Variants in SPOCK3 observed in about 807,000 individuals in gnomAD.
SPOCK3 encodes testican-3.
In SPOCK3, 30 loss-of-function variants were observed where a neutral mutation model predicts 56.6. That is an observed-to-expected ratio of 0.53 (90% CI 0.40 to 0.72). The LOEUF is 0.72. SPOCK3 is among the 30% of genes least tolerant of loss of function. SPOCK3 has a pLI of 0.00. For missense variants in SPOCK3, 527 were observed against 530.0 expected (o/e 0.99, Z 0.06); for synonymous variants, 196 against 183.3 (o/e 1.07, Z -0.56).
At position 166,820,747 on chromosome 4, in the gene SPOCK3, C is replaced by T. The variant is rs186408728; in HGVS notation, c.590-28458G>A. 2.6e-5 allele frequency among the ~76,000 whole-genome samples: 4 copies of T among 151,890 alleles called. No individual in the cohort carries two copies. The East Asian group carries it at 7.8e-4, about 30-fold the overall frequency. The stretch of plus-strand genomic sequence containing the variant: ...GCTGAGATGGGAGGATCGCTGGAGC[C>T]TGTGAGGTGGAGGCTGCAAGGAGTA... On this transcript the variant is annotated intron_variant, in intron 6 of 10. Transcript: ENST00000357545.
rs867923285 is a variant in SPOCK3 at position 167,213,106 on chromosome 4, G to A, written c.189+20879C>T. Among the ~76,000 whole-genome samples, 7 of 152,324 alleles carry A rather than the reference G, an allele frequency of 4.6e-5. No homozygotes were observed. In the South Asian group the frequency reaches 6.2e-4, roughly 14 times the overall value. On this transcript the variant is annotated intron_variant, in intron 2 of 10. Coordinates refer to ENST00000357545, the MANE Select transcript of SPOCK3 (RefSeq NM_001040159.2). ...GCCACTGGCAGCATGTGATTGAATC[G>A]TTTAAGTTTAGCATAGATGGCCTGG... is the stretch of plus-strand genomic sequence containing the variant.
rs116451195 is a variant in SPOCK3, at chr4:167,032,395, G to A, written c.235+30097C>T. On this transcript the variant is annotated intron_variant, in intron 3 of 10. Coordinates refer to ENST00000357545, the MANE Select transcript of SPOCK3 (RefSeq NM_001040159.2). ...CACAAAGAAAATAAAATAAACTGAG[G>A]AATGAAGCTTGGCACCGCTCTGCTG... Among the ~76,000 whole-genome samples, 427 of 151,988 alleles carry A rather than the reference G, an allele frequency of 2.8e-3. 2 individuals are homozygous for A. The highest frequency in any genetic ancestry group is 0.01 in the African/African-American group (416 of 41,500).
chr4:166,806,943 AGAT>A (rs1743221090), intron 6 of SPOCK3, among the ~76,000 whole-genome samples: 1 of 151,964 alleles, frequency 6.6e-6, no homozygotes, highest in African/African-American at 2.4e-5. Flanking sequence ...GCACAGTAAG[AGAT>A]TAACAACAAT....
At chr4:167,036,221 G>A (rs1426968794) in intron 3 of SPOCK3, among the ~76,000 whole-genome samples, 12 of 152,066 alleles carry the variant, frequency 7.9e-5, no homozygotes, top group East Asian at 1.9e-4. Context: ...CTTTTGCGAC[G>A]TGCCAAAATG....
At chr4:167,144,774 AT>A (rs1318943760) in intron 2 of SPOCK3, among the ~76,000 whole-genome samples, 6 of 103,856 alleles carry the variant, frequency 5.8e-5, no homozygotes, top group Non-Finnish European at 1.3e-4. Flanking sequence ...ATTAATCTTG[AT>A]GTGGAAGCAA....
At chr4:167,016,434 C>T (rs1022442726) in intron 3 of SPOCK3, among the ~76,000 whole-genome samples, 3 of 151,914 alleles carry the variant, frequency 2.0e-5, no homozygotes, top group Admixed American at 6.6e-5. Context: ...TGTAAATTTC[C>T]GTTGCACAAT....
intron 3 of SPOCK3, chr4:167,011,440 A>G (rs1750056475): frequency 5.1e-6 from 1 of 195,394 alleles, no homozygotes; most frequent in Non-Finnish European, 1.1e-5. Flanking sequence ...TCTACTTTGT[A>G]TTGTTACTTT....
intron 6 of SPOCK3, among the ~76,000 whole-genome samples, chr4:166,832,326 G>A (rs367709700): frequency 2.0e-5 from 3 of 151,510 alleles, no homozygotes; most frequent in Non-Finnish European, 4.4e-5. Flanking sequence ...AAATGCCCAA[G>A]ATCAGAGAAA....
At chr4:167,162,950 G>A (rs1471175902) in intron 2 of SPOCK3, among the ~76,000 whole-genome samples, 1 of 151,388 alleles carries the variant, frequency 6.6e-6, no homozygotes, top group Non-Finnish European at 1.5e-5. Flanking sequence ...TCATTCTCTG[G>A]GTGGTTAGTT....
intron 3 of SPOCK3, among the ~76,000 whole-genome samples, chr4:167,027,172 A>G (rs10030147): frequency 0.025 from 3,732 of 152,046 alleles, 167 homozygotes; most frequent in African/African-American, 0.085. Flanking sequence ...TTCTTCTAAT[A>G]TGACACTGTA....
intron 8 of SPOCK3, among the ~76,000 whole-genome samples, chr4:166,751,750 C>G (rs959486804): frequency 1.3e-5 from 2 of 152,040 alleles, no homozygotes; most frequent in Non-Finnish European, 2.9e-5. Flanking sequence ...AAATGATTAA[C>G]TTTTTAGAGT....
chr4:166,889,328 T>G, intron 5 of SPOCK3, 84 bp from the exon 6 acceptor site: 1 of 815,138 alleles, frequency 1.2e-6, no homozygotes, highest in Non-Finnish European at 2.0e-6. Flanking sequence ...AGAAAGGTAA[T>G]TTTTGATGCA....
At chr4:167,092,433 T>G (rs1020627290) in intron 2 of SPOCK3, among the ~76,000 whole-genome samples, 1 of 152,178 alleles carries the variant, frequency 6.6e-6, no homozygotes, top group Non-Finnish European at 1.5e-5. Flanking sequence ...TATTTTATCT[T>G]AGTGCCTTTC....
chr4:166,896,791 C>T (rs186133878), intron 5 of SPOCK3, among the ~76,000 whole-genome samples: 1 of 152,274 alleles, frequency 6.6e-6, no homozygotes, highest in Admixed American at 6.5e-5. Context: ...TAGAATCAGT[C>T]TTACATTCTT....
At chr4:166,770,128 A>G (rs1461401150) in intron 7 of SPOCK3, among the ~76,000 whole-genome samples, 2 of 152,058 alleles carry the variant, frequency 1.3e-5, no homozygotes, top group African/African-American at 4.8e-5. Flanking sequence ...TGACCCCTTG[A>G]GCTTCCCTGG....
At chr4:166,837,990 G>A (rs1003353618) in intron 6 of SPOCK3, among the ~76,000 whole-genome samples, 4 of 152,046 alleles carry the variant, frequency 2.6e-5, no homozygotes, top group Middle Eastern at 3.2e-3. Flanking sequence ...GATATATATC[G>A]TGTTGCTTTC....
chr4:167,162,404 A>T (rs977810023), intron 2 of SPOCK3, among the ~76,000 whole-genome samples: 1 of 152,098 alleles, frequency 6.6e-6, no homozygotes, highest in Non-Finnish European at 1.5e-5. Context: ...TTAACACTTG[A>T]ACAACACTCT....
chr4:166,780,398 C>T (rs1313643057), intron 7 of SPOCK3, among the ~76,000 whole-genome samples: 3 of 152,104 alleles, frequency 2.0e-5, no homozygotes, highest in Admixed American at 6.6e-5. Context: ...TCCAGGATCT[C>T]AGTGTGTGCT....
At chr4:167,138,012 T>C (rs1399286863) in intron 2 of SPOCK3, among the ~76,000 whole-genome samples, 3 of 151,820 alleles carry the variant, frequency 2.0e-5, no homozygotes, top group African/African-American at 2.4e-5. Context: ...TTTTAAATAA[T>C]CTTAAATTTA....
Sources: gnomAD v4.1 joint callset for allele counts (sites outside exome capture counted in the v4.1 genomes callset) on GRCh38, gnomAD v4.1.1 for gene constraint, MANE v1.5 for transcripts, NCBI Gene and HGNC (gene_info 2026-07-23, HGNC 2026-07-21) for gene names.